Variants in GRM1 observed in about 807,000 individuals in gnomAD.
GRM1 encodes the protein metabotropic glutamate receptor 1.
A neutral mutation model predicts 90.9 loss-of-function variants in GRM1; 33 were observed. The observed-to-expected ratio is 0.36, with a 90% CI of 0.28 to 0.49. The LOEUF (loss-of-function observed/expected upper bound fraction) is 0.49, where lower values mean the gene tolerates loss of function less well. Among genes scored for constraint, GRM1 ranks in the 20% least tolerant of loss-of-function variants. The pLI, the probability that GRM1 is intolerant of heterozygous loss-of-function variation, is 0.99. For missense variants in GRM1, 1,190 were observed against 1,534.3 expected, an observed-to-expected ratio of 0.78 and a Z score of 3.75; for synonymous variants, 700 against 613.2, an observed-to-expected ratio of 1.14 and a Z score of -2.09.
intron 1 of GRM1, among the ~76,000 whole-genome samples, chr6:146,065,722 T>C (rs1775822959): frequency 6.6e-6 from 1 of 152,084 alleles, no homozygotes; most frequent in African/African-American, 2.4e-5. Flanking sequence ...AAGAAGGGAA[T>C]TGTCCAGATA....
intron 1 of GRM1, among the ~76,000 whole-genome samples, chr6:146,142,398 A>G (rs1776913239): frequency 6.6e-6 from 1 of 152,074 alleles, no homozygotes; most frequent in Non-Finnish European, 1.5e-5. Context: ...ACCCACTGTA[A>G]CTACTACTTG....
intron 2 of GRM1, among the ~76,000 whole-genome samples, chr6:146,262,613 A>G (rs1189789442): frequency 1.3e-5 from 2 of 151,940 alleles, no homozygotes; most frequent in Admixed American, 1.3e-4. Flanking sequence ...CTCAACATGT[A>G]TATATTATAT....
intron 1 of GRM1, among the ~76,000 whole-genome samples, chr6:146,144,070 C>T (rs1482662644): frequency 6.6e-6 from 1 of 152,186 alleles, no homozygotes; most frequent in African/African-American, 2.4e-5. Context: ...TTTATTTTCT[C>T]ACTGTTATGG....
chr6:146,146,194 T>A lies in GRM1; in HGVS notation c.701-13154T>A, dbSNP rs572092645. 1.4e-4 allele frequency among the ~76,000 whole-genome samples: 19 copies of A among 135,486 alleles called. No individual in the cohort carries two copies. In the South Asian group the frequency reaches 4.5e-3, roughly 32 times the overall value. The allele number at this position is 135,486 out of a possible 152,430, so 88.9% of individuals were successfully genotyped here. A position where few individuals can be genotyped will look rare whatever the true frequency, so the allele number is the denominator to read the frequency against. ...AGCTCTGCCTCCCGGGTTCACGTCA[T>A]TCTCCTGCCTCAGCCTCCCTAGTAG... On this transcript the variant is annotated intron_variant, in intron 1 of 7. Transcript: ENST00000282753.
At chr6:146,235,047 T>C (rs1780590504) in intron 2 of GRM1, among the ~76,000 whole-genome samples, 1 of 152,200 alleles carries the variant, frequency 6.6e-6, no homozygotes, top group South Asian at 2.1e-4. Context: ...TTTATCCAAA[T>C]TTCTTTTTGT....
intron 1 of GRM1, among the ~76,000 whole-genome samples, chr6:146,143,297 T>A (rs1776959732): frequency 6.6e-6 from 1 of 152,212 alleles, no homozygotes; most frequent in African/African-American, 2.4e-5. Flanking sequence ...TATTTTCTAC[T>A]GATGATGTAA....
In GRM1 at chr6:146,304,676, C is replaced by G; in HGVS notation, c.1016C>G (p.Thr339Arg). 1 of 1,613,752 alleles carries G rather than the reference C, an allele frequency of 6.2e-7. No individual in the cohort carries two copies. The highest frequency in any genetic ancestry group is 8.5e-7 in the Non-Finnish European group (1 of 1,179,896). Reference sequence around the variant, plus strand: ...GAGGTGGAAGCCAACGGGGGAATCACGATAAAGCTGCAGTCTCCAGAGGTC... The same window carrying G: ...GAGGTGGAAGCCAACGGGGGAATCAGGATAAAGCTGCAGTCTCCAGAGGTC... ...GYEVEANGGI[T>R]IKLQSPEVRS... Residue 339 changes from threonine (T) to arginine (R), a missense_variant, in exon 3 of 8, where the codon ACG becomes AGG. Coordinates refer to ENST00000282753, the MANE Select transcript of GRM1 (RefSeq NM_001278064.2).
chr6:146,257,516 GTATA>G lies in GRM1; in HGVS notation c.951-47083_951-47080del, dbSNP rs58614139. Among the ~76,000 whole-genome samples the G allele has an allele frequency of 1.9e-3, 277 of 149,610 alleles. 2 individuals carry two copies. The highest frequency in any genetic ancestry group is 6.1e-3 in the African/African-American group (252 of 40,976). On this transcript the variant is annotated intron_variant, in intron 2 of 7. Transcript: ENST00000282753. ...GTGTGTCTGTCTGTGTAATATGTGTGTATATATATATATATGTATAATTTATATG... is the reference window on the plus strand; with the variant it reads ...GTGTGTCTGTCTGTGTAATATGTGTGTATATATATATGTATAATTTATATG...
chr6:146,367,284 A>C (rs1255265191), intron 5 of GRM1, among the ~76,000 whole-genome samples: 3 of 152,110 alleles, frequency 2.0e-5, no homozygotes, highest in Non-Finnish European at 2.9e-5. Flanking sequence ...TGCCAGAATC[A>C]TGCTGCTTTA....
intron 2 of GRM1, among the ~76,000 whole-genome samples, chr6:146,235,408 C>T (rs1780604635): frequency 6.6e-6 from 1 of 151,848 alleles, no homozygotes; most frequent in Non-Finnish European, 1.5e-5. Flanking sequence ...TGTGCTCATT[C>T]CTGTTGTTAG....
intron 1 of GRM1, among the ~76,000 whole-genome samples, chr6:146,158,918 T>A (rs1161749173): frequency 1.3e-5 from 2 of 152,164 alleles, no homozygotes; most frequent in African/African-American, 2.4e-5. Flanking sequence ...GGACTTTATG[T>A]TACCAAGAGT....
At chr6:146,397,074 T>C (rs1473245688) in intron 6 of GRM1, among the ~76,000 whole-genome samples, 4 of 152,158 alleles carry the variant, frequency 2.6e-5, no homozygotes, top group Admixed American at 6.5e-5. Flanking sequence ...AGTGACCCTG[T>C]TGATCAGAGC....
chr6:146,313,383 G>A (rs967529277), intron 3 of GRM1, among the ~76,000 whole-genome samples: 4 of 152,142 alleles, frequency 2.6e-5, no homozygotes, highest in African/African-American at 9.7e-5. Flanking sequence ...TTCCAAACAA[G>A]TTTGAAGTGA....
At chr6:146,109,271 A>G (rs1186636929) in intron 1 of GRM1, among the ~76,000 whole-genome samples, 2 of 152,174 alleles carry the variant, frequency 1.3e-5, no homozygotes, top group African/African-American at 4.8e-5. Context: ...GGCAGGGCTC[A>G]GGGTCCCCAT....
chr6:146,407,930 T>C (rs947511321), intron 7 of GRM1, among the ~76,000 whole-genome samples: 5 of 152,194 alleles, frequency 3.3e-5, no homozygotes, highest in Non-Finnish European at 2.9e-5. Context: ...TGGTGACTCA[T>C]GTGAATGGGA....
chr6:146,395,804 G>C (rs1776905626), intron 6 of GRM1, among the ~76,000 whole-genome samples: 1 of 152,036 alleles, frequency 6.6e-6, no homozygotes. Flanking sequence ...ATTTCATTTA[G>C]AGAGTCAGGT....
At chr6:146,312,540 A>G (rs1157309133) in intron 3 of GRM1, among the ~76,000 whole-genome samples, 2 of 152,096 alleles carry the variant, frequency 1.3e-5, no homozygotes, top group Non-Finnish European at 2.9e-5. Flanking sequence ...ATTTGAGTGT[A>G]AATTTATGAA....
At chr6:146,203,001 C>T (rs1407726666) in intron 2 of GRM1, among the ~76,000 whole-genome samples, 4 of 151,934 alleles carry the variant, frequency 2.6e-5, no homozygotes, top group Non-Finnish European at 4.4e-5. Flanking sequence ...AGAGACAATC[C>T]TGGCTAACAC....
intron 7 of GRM1, among the ~76,000 whole-genome samples, chr6:146,427,479 T>C (rs528512976): frequency 6.6e-6 from 1 of 152,198 alleles, no homozygotes; most frequent in South Asian, 2.1e-4. Flanking sequence ...GTCTGTGGCT[T>C]GAATAGCTCT....
Sources: gnomAD v4.1 joint callset for allele counts (sites outside exome capture counted in the v4.1 genomes callset) on GRCh38, gnomAD v4.1.1 for gene constraint, MANE v1.5 for transcripts, NCBI Gene and HGNC (gene_info 2026-07-23, HGNC 2026-07-21) for gene names.